Variants in PAAF1 observed in about 807,000 individuals in gnomAD.
The protein encoded by PAAF1 is proteasomal ATPase-associated factor 1.
A neutral mutation model predicts 52.8 loss-of-function variants in PAAF1; 46 were observed. The observed-to-expected ratio is 0.87, with a 90% CI of 0.69 to 1.11. The LOEUF is 1.11. Among genes scored for constraint, PAAF1 ranks in the 50% most tolerant of loss-of-function variants. PAAF1 has a pLI of 0.00. For synonymous variants in PAAF1, 178 were observed against 172.8 expected, an observed-to-expected ratio of 1.03 and a Z score of -0.24; for missense variants, 424 against 477.4, an observed-to-expected ratio of 0.89 and a Z score of 1.04.
Position 73,897,698 on chromosome 11 carries a change from C to G in PAAF1, c.283-1448C>G, listed in dbSNP as rs1210048097. Among the ~76,000 whole-genome samples, 6 of 149,958 alleles carry G rather than the reference C, an allele frequency of 4.0e-5. No individual in the cohort carries two copies. The East Asian group carries it at 1.0e-3, about 25-fold the overall frequency. On this transcript the variant is annotated intron_variant, in intron 4 of 11. Transcript: ENST00000310571. ...GCAGAGAGGCTCCTCACTTTCCAGA[C>G]TGGGCAGCCAGGCAGAGGGGCTCCT...
At chr11:73,889,121 G>A (rs1332865460) in intron 3 of PAAF1, 3 of 1,335,656 alleles carry the variant, frequency 2.2e-6, no homozygotes, top group Non-Finnish European at 3.1e-6. Context: ...GTTTTTCCCA[G>A]GTGTTTTGGC....
intron 6 of PAAF1, among the ~76,000 whole-genome samples, chr11:73,904,877 C>G (rs1391884960): frequency 6.6e-6 from 1 of 152,112 alleles, no homozygotes; most frequent in African/African-American, 2.4e-5. Context: ...GTATGTGATT[C>G]TGCTGAATCT....
At position 73,886,413 on chromosome 11, in the gene PAAF1, C is replaced by T. The variant is rs563580542; in HGVS notation, c.89-941C>T. Among the ~76,000 whole-genome samples, 15 of 152,206 alleles carry T rather than the reference C, an allele frequency of 9.9e-5. No homozygotes were observed. The East Asian group carries it at 2.3e-3, about 24-fold the overall frequency. ...TAGTCAGGCCAGGCGCGGTGGCTCACGCCTGTAATCCCAGCACTGTGGGAG... is the reference window on the plus strand; with the variant it reads ...TAGTCAGGCCAGGCGCGGTGGCTCATGCCTGTAATCCCAGCACTGTGGGAG... On this transcript the variant is annotated intron_variant, in intron 2 of 11. Coordinates refer to ENST00000310571, the MANE Select transcript of PAAF1 (RefSeq NM_025155.3).
chr11:73,907,560 G>A lies in PAAF1; in HGVS notation c.533-1839G>A, dbSNP rs1039210690. Among the ~76,000 whole-genome samples the A allele has an allele frequency of 2.0e-5, 3 of 152,154 alleles. No individual in the cohort carries two copies. In the East Asian group the frequency reaches 5.8e-4, roughly 29 times the overall value. The stretch of plus-strand genomic sequence containing the variant: ...CTGGGAAGGGGTGGTGGGCACCTCA[G>A]GGCACCTCTTTGTGCCTGTCACTGC... On this transcript the variant is annotated intron_variant, in intron 6 of 11. Transcript: ENST00000310571.
chr11:73,892,281 C>A lies in PAAF1; in HGVS notation c.282+1080C>A, dbSNP rs561786318. On this transcript the variant is annotated intron_variant, in intron 4 of 11. Coordinates refer to ENST00000310571, the MANE Select transcript of PAAF1 (RefSeq NM_025155.3). ...GAGGCTGCAGTGAGCCATGATCATG[C>A]CACTGCACTCCAGCCTGGGCAACAG... Among the ~76,000 whole-genome samples the A allele has an allele frequency of 1.1e-3, 170 of 150,330 alleles. 2 individuals carry two copies. The highest frequency in any genetic ancestry group is 1.0e-4 in the Non-Finnish European group (7 of 67,680).
At chr11:73,927,182 T>G (rs1280274428) in intron 11 of PAAF1, 103 bp from the exon 12 acceptor site, 6 of 871,602 alleles carry the variant, frequency 6.9e-6, no homozygotes, top group African/African-American at 3.3e-5. Context: ...TCATAAAGCC[T>G]TCTCAGACTC....
At position 73,887,463 on chromosome 11, in the gene PAAF1, T is replaced by C. The variant is rs1591050311; in HGVS notation, c.192+6T>C. Reference sequence around the variant, plus strand: ...CTGTGAATGAAATAAACAAGGTATGTTTTTATGTCTTCTAGATGGCATGAT... The same window carrying C: ...CTGTGAATGAAATAAACAAGGTATGCTTTTATGTCTTCTAGATGGCATGAT... On this transcript the variant is annotated splice_donor_region_variant and intron_variant, in intron 3 of 11. Transcript: ENST00000310571. 6 of 1,576,688 alleles carry C rather than the reference T, an allele frequency of 3.8e-6. No homozygotes were observed. The highest frequency in any genetic ancestry group is 5.2e-6 in the Non-Finnish European group (6 of 1,157,648).
intron 6 of PAAF1, among the ~76,000 whole-genome samples, chr11:73,908,175 T>G (rs187644157): frequency 6.6e-5 from 10 of 151,784 alleles, no homozygotes; most frequent in African/African-American, 2.4e-4. Context: ...CTAACCCTTT[T>G]AATCAATTAT....
intron 4 of PAAF1, among the ~76,000 whole-genome samples, chr11:73,893,061 A>G (rs1337567812): frequency 6.6e-6 from 1 of 152,242 alleles, no homozygotes; most frequent in Non-Finnish European, 1.5e-5. Flanking sequence ...TGAGTTTACT[A>G]TAATTTAATT....
At chr11:73,920,961 T>C (rs547901851) in intron 10 of PAAF1, among the ~76,000 whole-genome samples, 2 of 151,856 alleles carry the variant, frequency 1.3e-5, no homozygotes, top group Admixed American at 1.3e-4. Context: ...GAGGCCTTGA[T>C]ATTTCTCGCC....
chr11:73,902,811 C>T (rs1949659005), intron 6 of PAAF1, among the ~76,000 whole-genome samples: 2 of 152,196 alleles, frequency 1.3e-5, no homozygotes, highest in Non-Finnish European at 2.9e-5. Context: ...ATTCTCCTGC[C>T]GCAGCCTCCC....
At chr11:73,897,936 C>T (rs1011840914) in intron 4 of PAAF1, among the ~76,000 whole-genome samples, 1 of 152,272 alleles carries the variant, frequency 6.6e-6, no homozygotes, top group Non-Finnish European at 1.5e-5. Context: ...ATCCCGGCAC[C>T]TCGGGAGGCC....
intron 4 of PAAF1, among the ~76,000 whole-genome samples, 188 bp from the exon 5 acceptor site, chr11:73,898,958 T>A (rs1949513261): frequency 6.6e-6 from 1 of 152,218 alleles, no homozygotes; most frequent in Non-Finnish European, 1.5e-5. Flanking sequence ...TAAAAGGTGT[T>A]TACTTCAGCC....
chr11:73,906,199 G>C (rs1949747152), intron 6 of PAAF1, among the ~76,000 whole-genome samples: 1 of 152,190 alleles, frequency 6.6e-6, no homozygotes, highest in Non-Finnish European at 1.5e-5. Flanking sequence ...ATAGCTGTGA[G>C]AATTACATTT....
chr11:73,887,399 TAGATGGCATCCC>T lies in PAAF1; in HGVS notation c.138_149del (p.Asp46_Pro49del). The T allele has an allele frequency of 6.2e-7, 1 of 1,613,326 alleles. No homozygotes were observed. Among genetic ancestry groups the T allele is most frequent in the Non-Finnish European group, 8.5e-7 (1 of 1,179,702 alleles). Reference sequence around the variant, plus strand: ...AGCCTGACTTGTCAAGGAATTGGCCTAGATGGCATCCCAGAGGTTACAGCTTCAGAAGGATTT... The same window carrying T: ...AGCCTGACTTGTCAAGGAATTGGCCTAGAGGTTACAGCTTCAGAAGGATTT... On this transcript the variant is annotated inframe_deletion, in exon 3 of 12. Transcript: ENST00000310571.
chr11:73,918,976 C>G lies in PAAF1; in HGVS notation c.962C>G (p.Ser321Ter), dbSNP rs762996482. Residue 321 changes from serine to a stop codon, truncating the protein, a stop_gained, in exon 10 of 12, where the codon TCA (serine) becomes TGA (stop). Transcript: ENST00000310571. LOFTEE classifies it high-confidence loss of function. ...PRAPVQVIHR[S>*]GAPVLSLLSV... ...GCTCCGGTACAAGTCATCCACAGAT[C>G]AGGAGCACCAGTTCTATCCCTGCTA... is the stretch of plus-strand genomic sequence containing the variant. 4.3e-6 allele frequency: 7 copies of G among 1,613,766 alleles called. No individual in the cohort carries two copies. Among genetic ancestry groups the G allele is most frequent in the Non-Finnish European group, 5.9e-6 (7 of 1,179,988 alleles).
At position 73,903,850 on chromosome 11, in the gene PAAF1, G is replaced by A. The variant is rs372196275; in HGVS notation, c.532+3430G>A. Reference sequence around the variant, plus strand: ...TGTAATCCCAGTACTTTGGGAGGCCGAGGTGGGAGGATCACCTGAGGTCAG... The same window carrying A: ...TGTAATCCCAGTACTTTGGGAGGCCAAGGTGGGAGGATCACCTGAGGTCAG... On this transcript the variant is annotated intron_variant, in intron 6 of 11. Transcript: ENST00000310571. Among the ~76,000 whole-genome samples, 139 of 151,768 alleles carry A rather than the reference G, an allele frequency of 9.2e-4. 1 individual carries two copies. The highest frequency in any genetic ancestry group is 1.7e-3 in the African/African-American group (69 of 41,394).
At chr11:73,926,919 T>C (rs1177015168) in intron 11 of PAAF1, among the ~76,000 whole-genome samples, 1 of 152,130 alleles carries the variant, frequency 6.6e-6, no homozygotes, top group East Asian at 1.9e-4. Flanking sequence ...AAGACACATA[T>C]TCAGAACATT....
chr11:73,902,441 C>T (rs1949648159), intron 6 of PAAF1, among the ~76,000 whole-genome samples: 2 of 152,190 alleles, frequency 1.3e-5, no homozygotes, highest in Non-Finnish European at 2.9e-5. Context: ...GCAAGCTTCA[C>T]CTCCGATCTG....
Sources: gnomAD v4.1 joint callset for allele counts (sites outside exome capture counted in the v4.1 genomes callset) on GRCh38, gnomAD v4.1.1 for gene constraint, MANE v1.5 for transcripts, NCBI Gene and HGNC (gene_info 2026-07-23, HGNC 2026-07-21) for gene names.